Variants in MDGA2 observed in about 807,000 individuals in gnomAD.
MDGA2 encodes the protein MAM domain containing glycosylphosphatidylinositol anchor 2, also known as MAM domain-containing glycosylphosphatidylinositol anchor protein 2.
MDGA2 carries 40 observed loss-of-function variants against 117.8 expected under a neutral mutation model. The observed-to-expected ratio is 0.34, with a 90% CI of 0.26 to 0.44. The LOEUF is 0.44. MDGA2 is among the 20% of genes least tolerant of loss of function. The probability of loss-of-function intolerance (pLI) is 1.00; values close to 1 mark genes in which losing one functional copy is unlikely to be tolerated. For synonymous variants in MDGA2, 452 were observed against 439.0 expected (o/e 1.03, Z -0.37); for missense variants, 1,123 against 1,250.6 (o/e 0.90, Z 1.54).
chr14:47,509,394 T>C (rs1894590783), intron 1 of MDGA2, among the ~76,000 whole-genome samples: 1 of 152,240 alleles, frequency 6.6e-6, no homozygotes, highest in East Asian at 1.9e-4. Context: ...AGGAAAGTGG[T>C]ATGAAAGCAC....
chr14:47,234,590 A>C (rs1346323497), intron 2 of MDGA2, among the ~76,000 whole-genome samples: 1 of 152,156 alleles, frequency 6.6e-6, no homozygotes. Context: ...AAGATACAAC[A>C]CCAAGAGGAA....
intron 9 of MDGA2, among the ~76,000 whole-genome samples, chr14:46,924,102 T>G (rs1043705308): frequency 6.6e-6 from 1 of 152,036 alleles, no homozygotes; most frequent in African/African-American, 2.4e-5. Flanking sequence ...CTATATTCAT[T>G]AACTGAACTG....
chr14:46,961,122 C>T (rs1338613211), intron 8 of MDGA2, among the ~76,000 whole-genome samples: 2 of 151,820 alleles, frequency 1.3e-5, no homozygotes, highest in Non-Finnish European at 2.9e-5. Context: ...TTTTTTTCCT[C>T]CAGCCACTTT....
intron 2 of MDGA2, among the ~76,000 whole-genome samples, chr14:47,230,950 G>T (rs998204791): frequency 1.1e-4 from 17 of 151,848 alleles, no homozygotes; most frequent in African/African-American, 4.1e-4. Context: ...AATATTGCAA[G>T]GATTTATATT....
intron 1 of MDGA2, among the ~76,000 whole-genome samples, chr14:47,642,193 T>C (rs1422240974): frequency 6.6e-6 from 1 of 152,058 alleles, no homozygotes; most frequent in Non-Finnish European, 1.5e-5. Flanking sequence ...AGCCTTCAGC[T>C]ATGTACCCAT....
At chr14:46,854,201 A>G (rs1252193870) in intron 15 of MDGA2, among the ~76,000 whole-genome samples, 1 of 151,856 alleles carries the variant, frequency 6.6e-6, no homozygotes, top group Non-Finnish European at 1.5e-5. Flanking sequence ...AAAAAAAATC[A>G]CTAGTAGATT....
chr14:47,541,069 CA>C (rs1285102804), intron 1 of MDGA2, among the ~76,000 whole-genome samples: 1 of 152,052 alleles, frequency 6.6e-6, no homozygotes, highest in Non-Finnish European at 1.5e-5. Context: ...TCAAAAAATT[CA>C]AATCCACCTA....
At chr14:47,332,950 C>T (rs889720302) in intron 1 of MDGA2, among the ~76,000 whole-genome samples, 1 of 151,882 alleles carries the variant, frequency 6.6e-6, no homozygotes, top group Admixed American at 6.6e-5. Flanking sequence ...GCCTCTAGTT[C>T]CATCCATGTT....
intron 1 of MDGA2, among the ~76,000 whole-genome samples, chr14:47,374,945 TA>T (rs1405335898): frequency 1.3e-5 from 2 of 152,036 alleles, no homozygotes; most frequent in Non-Finnish European, 2.9e-5. Context: ...ATCATTTACT[TA>T]TATTTCAAAG....
chr14:47,094,851 C>T (rs1181749217), intron 6 of MDGA2, among the ~76,000 whole-genome samples: 1 of 151,906 alleles, frequency 6.6e-6, no homozygotes, highest in Non-Finnish European at 1.5e-5. Flanking sequence ...TTCTATTTCT[C>T]TTTTAAAAAA....
chr14:46,933,799 AATATATATATATATAT>A lies in MDGA2; in HGVS notation c.2090-13655_2090-13640del, dbSNP rs34723414. On this transcript the variant is annotated intron_variant, in intron 9 of 16. Transcript: ENST00000399232. The stretch of plus-strand genomic sequence containing the variant: ...CAAAGTTCTACTGGTTTATGTAACA[AATATATATATATATAT>A]ATATATATATATATATATATATATA... 5.8e-3 allele frequency among the ~76,000 whole-genome samples: 502 copies of A among 87,292 alleles called. 4 individuals carry two copies. The highest frequency in any genetic ancestry group is 8.7e-3 in the African/African-American group (166 of 19,114). 57.3% of individuals were successfully genotyped at this position (87,292 alleles called of 152,430 possible). A position where few individuals can be genotyped will look rare whatever the true frequency, so the allele number is the denominator to read the frequency against.
At position 47,243,283 on chromosome 14, in the gene MDGA2, A is replaced by G. The variant is rs1374598956; in HGVS notation, c.421-25088T>C. Among the ~76,000 whole-genome samples, 2 of 151,602 alleles carry G rather than the reference A, an allele frequency of 1.3e-5. 1 individual carries two copies. The highest frequency in any genetic ancestry group is 3.0e-5 in the Non-Finnish European group (2 of 67,734). On this transcript the variant is annotated intron_variant, in intron 2 of 16. Transcript: ENST00000399232. ...CCTTTGTATCTAGCTCAGGGATTGT[A>G]AACACACCAATCAGCACCCTGACAA...
intron 8 of MDGA2, among the ~76,000 whole-genome samples, chr14:46,959,055 A>C (rs1885677003): frequency 6.6e-6 from 1 of 151,972 alleles, no homozygotes; most frequent in South Asian, 2.1e-4. Context: ...AGTATGTTAA[A>C]CTCCTCTAAA....
At chr14:47,384,979 G>A (rs528680647) in intron 1 of MDGA2, among the ~76,000 whole-genome samples, 46 of 152,212 alleles carry the variant, frequency 3.0e-4, no homozygotes, top group African/African-American at 1.1e-3. Context: ...ATAAAAGGGA[G>A]CAAACATTTT....
chr14:47,493,936 C>T (rs139297720), intron 1 of MDGA2, among the ~76,000 whole-genome samples: 14 of 152,132 alleles, frequency 9.2e-5, no homozygotes, highest in Non-Finnish European at 1.5e-4. Context: ...AATTATAACC[C>T]GAATTGTAAT....
At chr14:47,463,797 T>G (rs1159172572) in intron 1 of MDGA2, among the ~76,000 whole-genome samples, 2 of 152,116 alleles carry the variant, frequency 1.3e-5, no homozygotes, top group African/African-American at 2.4e-5. Flanking sequence ...CATATTTTTG[T>G]TTTTGCTTTT....
intron 3 of MDGA2, among the ~76,000 whole-genome samples, chr14:47,162,139 A>G (rs1883667759): frequency 6.6e-6 from 1 of 151,084 alleles, no homozygotes; most frequent in African/African-American, 2.4e-5. Flanking sequence ...TAGAAGCAGG[A>G]TTTCACCGTG....
In MDGA2 at chr14:47,424,832, G is replaced by C. The variant is rs533053876; in HGVS notation, c.281-123282C>G. 2.0e-4 allele frequency among the ~76,000 whole-genome samples: 31 copies of C among 152,228 alleles called. 2 individuals are homozygous for C. In the South Asian group the frequency reaches 5.8e-3, roughly 29 times the overall value. ...TCTCCACCTACCCTCCCATTGCCTA[G>C]CTATGGATAATCCAAAGCAAACAAC... On this transcript the variant is annotated intron_variant, in intron 1 of 16. Coordinates refer to ENST00000399232, the MANE Select transcript of MDGA2 (RefSeq NM_001113498.3).
chr14:47,487,335 CT>C (rs1241025982), intron 1 of MDGA2, among the ~76,000 whole-genome samples: 3 of 152,194 alleles, frequency 2.0e-5, no homozygotes, highest in Admixed American at 6.5e-5. Flanking sequence ...GATTTAGTAT[CT>C]TTCCACAATA....
Sources: allele counts gnomAD v4.1 joint callset (sites outside exome capture counted in the v4.1 genomes callset), GRCh38; gene constraint gnomAD v4.1.1; transcripts MANE v1.5; gene names NCBI Gene and HGNC (gene_info 2026-07-23, HGNC 2026-07-21).